Variants in ROBO1 observed in about 807,000 individuals in gnomAD.
ROBO1 encodes the protein roundabout guidance receptor 1, also known as roundabout homolog 1.
Under a neutral mutation model 195.9 loss-of-function variants are expected in ROBO1, and 149 were observed. The observed-to-expected ratio is 0.76, with a 90% CI of 0.67 to 0.87. The LOEUF is 0.87. Among genes scored for constraint, ROBO1 ranks in the 40% least tolerant of loss-of-function variants. The probability of loss-of-function intolerance (pLI) is 0.00; values close to 1 mark genes in which losing one functional copy is unlikely to be tolerated. For synonymous variants in ROBO1, 816 were observed against 733.2 expected (o/e 1.11, Z -1.82); for missense variants, 1,933 against 2,068.3 (o/e 0.93, Z 1.27).
rs192581343 is a variant in ROBO1 at position 79,294,091 on chromosome 3, A to G, written c.89-168552T>C. Among the ~76,000 whole-genome samples, 403 of 150,494 alleles carry G rather than the reference A, an allele frequency of 2.7e-3. 3 individuals carry two copies. Among genetic ancestry groups the G allele is most frequent in the African/African-American group, 9.2e-3 (377 of 40,934 alleles). On this transcript the variant is annotated intron_variant, in intron 2 of 30. Transcript: ENST00000464233. ...AAAAAAAAAAAAAAAAAAGAAAGAA[A>G]AAACTACTTTGAATTTCATATGGAA... is the stretch of plus-strand genomic sequence containing the variant.
chr3:79,273,351 T>C (rs982953846), intron 2 of ROBO1, among the ~76,000 whole-genome samples: 2 of 151,990 alleles, frequency 1.3e-5, no homozygotes, highest in African/African-American at 4.8e-5. Flanking sequence ...AACAAAAAGT[T>C]AAAAAACAAG....
intron 4 of ROBO1, among the ~76,000 whole-genome samples, chr3:78,810,666 A>T: frequency 6.6e-6 from 1 of 151,996 alleles, no homozygotes; most frequent in South Asian, 2.1e-4. Context: ...TCTGATTTAC[A>T]ATGGGAAAAA....
intron 2 of ROBO1, among the ~76,000 whole-genome samples, chr3:79,192,159 T>G (rs2081552280): frequency 6.6e-6 from 1 of 151,670 alleles, no homozygotes; most frequent in Non-Finnish European, 1.5e-5. Context: ...AAATTCATTC[T>G]CAATTCTATT....
intron 2 of ROBO1, among the ~76,000 whole-genome samples, chr3:79,258,094 C>T (rs936988622): frequency 6.6e-6 from 1 of 152,060 alleles, no homozygotes; most frequent in Non-Finnish European, 1.5e-5. Context: ...GCTACAATGA[C>T]TTCAACCAGA....
At chr3:79,543,626 A>G (rs1942157843) in intron 2 of ROBO1, among the ~76,000 whole-genome samples, 1 of 152,120 alleles carries the variant, frequency 6.6e-6, no homozygotes, top group Non-Finnish European at 1.5e-5. Context: ...CAGAATAATA[A>G]ATCTGAACTT....
At chr3:79,685,773 G>A (rs932021993) in intron 1 of ROBO1, among the ~76,000 whole-genome samples, 6 of 152,094 alleles carry the variant, frequency 3.9e-5, no homozygotes, top group African/African-American at 1.2e-4. Context: ...TGGATTCACA[G>A]CCAAATTCTA....
chr3:78,805,832 G>A (rs577794358), intron 4 of ROBO1, among the ~76,000 whole-genome samples: 5 of 152,144 alleles, frequency 3.3e-5, no homozygotes, highest in African/African-American at 1.2e-4. Flanking sequence ...ACATAGTATA[G>A]TGTAAACATA....
At chr3:79,535,438 T>G (rs1260666683) in intron 2 of ROBO1, among the ~76,000 whole-genome samples, 3 of 152,152 alleles carry the variant, frequency 2.0e-5, no homozygotes, top group African/African-American at 7.2e-5. Context: ...TGGTACATTT[T>G]CCTCTCAAAG....
intron 4 of ROBO1, among the ~76,000 whole-genome samples, chr3:78,860,143 A>ATAGG (rs890795816): frequency 6.1e-5 from 7 of 115,376 alleles, no homozygotes; most frequent in African/African-American, 1.8e-4. Flanking sequence ...AGATAGGTAG[A>ATAGG]TAGATAGATA....
chr3:79,014,042 C>A (rs758106264), intron 3 of ROBO1, among the ~76,000 whole-genome samples: 1 of 152,072 alleles, frequency 6.6e-6, no homozygotes, highest in African/African-American at 2.4e-5. Flanking sequence ...TAAAAAAAAA[C>A]TGTTCAATTG....
chr3:79,620,562 G>C (rs79675752), intron 1 of ROBO1, among the ~76,000 whole-genome samples: 1 of 151,828 alleles, frequency 6.6e-6, no homozygotes, highest in Non-Finnish European at 1.5e-5. Flanking sequence ...CACCTGCCCA[G>C]CTCCCTTATT....
chr3:78,631,037 T>C, intron 25 of ROBO1, 124 bp downstream of exon 25: 1 of 1,058,938 alleles, frequency 9.4e-7, no homozygotes, highest in Non-Finnish European at 1.3e-6. Flanking sequence ...CTATTTTATT[T>C]AAAGGCAACT....
intron 2 of ROBO1, among the ~76,000 whole-genome samples, chr3:79,575,932 G>C (rs1943471424): frequency 6.6e-6 from 1 of 151,910 alleles, no homozygotes; most frequent in Admixed American, 6.6e-5. Context: ...GTTGTAACCT[G>C]GCTCTCTTAC....
At chr3:79,381,974 T>G (rs2036590492) in intron 2 of ROBO1, among the ~76,000 whole-genome samples, 1 of 152,180 alleles carries the variant, frequency 6.6e-6, no homozygotes, top group African/African-American at 2.4e-5. Flanking sequence ...TTCTAATCTT[T>G]AATCCATCTC....
intron 2 of ROBO1, among the ~76,000 whole-genome samples, chr3:79,581,553 C>T (rs80162250): frequency 0.011 from 1,646 of 152,064 alleles, 29 homozygotes; most frequent in African/African-American, 0.038. Flanking sequence ...GACACAGTAC[C>T]GAAGTACAGC....
intron 2 of ROBO1, among the ~76,000 whole-genome samples, chr3:79,242,643 T>G (rs1480883795): frequency 6.6e-6 from 1 of 152,176 alleles, no homozygotes; most frequent in Non-Finnish European, 1.5e-5. Flanking sequence ...CTTATTACAT[T>G]CACCATCTAT....
chr3:79,646,554 G>A (rs760849474), intron 1 of ROBO1, among the ~76,000 whole-genome samples: 3 of 152,004 alleles, frequency 2.0e-5, no homozygotes, highest in Admixed American at 6.6e-5. Flanking sequence ...ACTACTGGAT[G>A]GAATAAATAT....
chr3:79,076,260 A>G (rs2079171644), intron 3 of ROBO1, among the ~76,000 whole-genome samples: 1 of 147,624 alleles, frequency 6.8e-6, no homozygotes, highest in African/African-American at 2.5e-5. Context: ...ATATATATAT[A>G]AACTATATAT....
At chr3:79,109,259 A>G (rs1286249225) in intron 3 of ROBO1, among the ~76,000 whole-genome samples, 3 of 151,926 alleles carry the variant, frequency 2.0e-5, no homozygotes, top group African/African-American at 7.2e-5. Context: ...CTAGCATAAA[A>G]CATTTGACAT....
Sources: gnomAD v4.1 joint callset for allele counts (sites outside exome capture counted in the v4.1 genomes callset) on GRCh38, gnomAD v4.1.1 for gene constraint, MANE v1.5 for transcripts, NCBI Gene and HGNC (gene_info 2026-07-23, HGNC 2026-07-21) for gene names.